Variants in RABGAP1L observed in about 807,000 individuals in gnomAD.
RABGAP1L encodes the protein rab GTPase-activating protein 1-like.
RABGAP1L carries 63 observed loss-of-function variants against 137.7 expected under a neutral mutation model. That is an observed-to-expected ratio of 0.46 (90% CI 0.37 to 0.56). The LOEUF is 0.56. RABGAP1L is among the 20% of genes least tolerant of loss of function. The pLI is 0.00. For missense variants in RABGAP1L, 1,095 were observed against 1,244.0 expected, an observed-to-expected ratio of 0.88 and a Z score of 1.80; for synonymous variants, 431 against 433.7, an observed-to-expected ratio of 0.99 and a Z score of 0.08.
At chr1:174,808,696 C>G (rs559062363) in intron 18 of RABGAP1L, among the ~76,000 whole-genome samples, 31 of 151,544 alleles carry the variant, frequency 2.0e-4, no homozygotes, top group African/African-American at 6.5e-4. Flanking sequence ...TCTTGTTGCC[C>G]AGGCTGGAGT....
rs543210480 is a variant in RABGAP1L at position 174,515,202 on chromosome 1, C to A, written c.1710+121057C>A. ...AATTTTGTATCCTATGAAGTAGTTACTATAATTACAGATAATCAGGAAAAT... is the reference window on the plus strand; with the variant it reads ...AATTTTGTATCCTATGAAGTAGTTAATATAATTACAGATAATCAGGAAAAT... On this transcript the variant is annotated intron_variant, in intron 13 of 25. Transcript: ENST00000681986. 1.8e-4 allele frequency among the ~76,000 whole-genome samples: 27 copies of A among 152,184 alleles called. No homozygotes were observed. In the South Asian group the frequency reaches 5.4e-3, roughly 30 times the overall value.
intron 19 of RABGAP1L, among the ~76,000 whole-genome samples, chr1:174,882,159 G>A (rs1654343185): frequency 6.6e-6 from 1 of 152,160 alleles, no homozygotes; most frequent in African/African-American, 2.4e-5. Context: ...ACTGCACTGT[G>A]AAGCAAATTA....
At chr1:174,957,804 A>G in intron 20 of RABGAP1L, 1 of 1,169,802 alleles carries the variant, frequency 8.5e-7, no homozygotes, top group Non-Finnish European at 1.2e-6. Context: ...ATTGATTTAG[A>G]TGCTCTCTGA....
At chr1:174,456,485 G>A (rs988647819) in intron 13 of RABGAP1L, among the ~76,000 whole-genome samples, 5 of 151,798 alleles carry the variant, frequency 3.3e-5, no homozygotes, top group Non-Finnish European at 5.9e-5. Flanking sequence ...AGTCATCATC[G>A]GTTGGATTTT....
In RABGAP1L at chr1:174,622,573, A is replaced by T. The variant is rs146817752; in HGVS notation, c.1711-14802A>T. On this transcript the variant is annotated intron_variant, in intron 13 of 25. Coordinates refer to ENST00000681986, the MANE Select transcript of RABGAP1L (RefSeq NM_001366446.1). ...TTTGTAGGGACATGGATGAAGTTGG[A>T]AACCATCATTCTCAGCAAACTGTCA... Among the ~76,000 whole-genome samples the T allele has an allele frequency of 1.5e-4, 23 of 152,316 alleles. No homozygotes were observed. The East Asian group carries it at 4.0e-3, about 27-fold the overall frequency.
At chr1:174,712,803 C>T (rs867238555) in intron 17 of RABGAP1L, among the ~76,000 whole-genome samples, 2 of 152,214 alleles carry the variant, frequency 1.3e-5, no homozygotes, top group Admixed American at 6.5e-5. Context: ...CCAACCTCCC[C>T]AGCCAAACTT....
At chr1:174,517,303 G>C (rs1429817847) in intron 13 of RABGAP1L, among the ~76,000 whole-genome samples, 7 of 151,992 alleles carry the variant, frequency 4.6e-5, no homozygotes, top group African/African-American at 1.7e-4. Flanking sequence ...AAAAGGATTT[G>C]GTTAAATCAT....
At chr1:174,221,459 A>G (rs1669751749) in intron 3 of RABGAP1L, among the ~76,000 whole-genome samples, 1 of 152,216 alleles carries the variant, frequency 6.6e-6, no homozygotes, top group South Asian at 2.1e-4. Context: ...GTGTCACAGA[A>G]TAGTGTAATG....
chr1:174,475,949 A>G lies in RABGAP1L; in HGVS notation c.1710+81804A>G, dbSNP rs559552128. On this transcript the variant is annotated intron_variant, in intron 13 of 25. Coordinates refer to ENST00000681986, the MANE Select transcript of RABGAP1L (RefSeq NM_001366446.1). ...TAACATTATACCAGTATATAACATT[A>G]TAACTTATTATTTAGAAAGATTGTA... 7.3e-4 allele frequency among the ~76,000 whole-genome samples: 111 copies of G among 152,110 alleles called. No individual in the cohort carries two copies. In the South Asian group the frequency reaches 7.7e-3, roughly 11 times the overall value.
At chr1:174,430,133 C>T (rs1652448331) in intron 13 of RABGAP1L, among the ~76,000 whole-genome samples, 1 of 152,086 alleles carries the variant, frequency 6.6e-6, no homozygotes, top group African/African-American at 2.4e-5. Context: ...CCTTGTTATT[C>T]CAGCACTTTG....
rs1419379766 is a variant in RABGAP1L at position 174,167,389 on chromosome 1, A to T, written c.-34+7732A>T. 3.3e-5 allele frequency among the ~76,000 whole-genome samples: 5 copies of T among 152,220 alleles called. No homozygotes were observed. The South Asian group carries it at 1.0e-3, about 31-fold the overall frequency. ...GCATACACATAGTGTGCATATATGT[A>T]TGTGTAGACATACATACATATATAT... On this transcript the variant is annotated intron_variant, in intron 1 of 25. Coordinates refer to ENST00000681986, the MANE Select transcript of RABGAP1L (RefSeq NM_001366446.1).
chr1:174,457,894 A>C (rs937645680), intron 13 of RABGAP1L, among the ~76,000 whole-genome samples: 1 of 152,168 alleles, frequency 6.6e-6, no homozygotes, highest in African/African-American at 2.4e-5. Flanking sequence ...GGTTATTATG[A>C]CAGGCAGGTT....
chr1:174,689,418 C>A (rs3862941), intron 15 of RABGAP1L, among the ~76,000 whole-genome samples: 31,920 of 151,818 alleles, frequency 0.21, 3,678 homozygotes, highest in Admixed American at 0.25. Context: ...ACAGAATTGA[C>A]TCATATAACT....
At chr1:174,249,043 A>G (rs1376812050) in intron 5 of RABGAP1L, among the ~76,000 whole-genome samples, 1 of 152,238 alleles carries the variant, frequency 6.6e-6, no homozygotes, top group Non-Finnish European at 1.5e-5. Flanking sequence ...AAGAAGTAGA[A>G]TAACTTCTGG....
intron 13 of RABGAP1L, among the ~76,000 whole-genome samples, chr1:174,503,650 G>A (rs1396558660): frequency 7.2e-5 from 6 of 82,996 alleles, no homozygotes; most frequent in Admixed American, 2.9e-4. Context: ...AACAGAGCGA[G>A]ACTCCGTCAA....
intron 12 of RABGAP1L, among the ~76,000 whole-genome samples, chr1:174,377,355 T>C (rs945287654): frequency 6.6e-6 from 1 of 152,182 alleles, no homozygotes; most frequent in East Asian, 1.9e-4. Context: ...CAAGCTGATT[T>C]TAAAATTTAT....
At chr1:174,611,897 C>G (rs1269840585) in intron 13 of RABGAP1L, among the ~76,000 whole-genome samples, 1 of 152,140 alleles carries the variant, frequency 6.6e-6, no homozygotes, top group Non-Finnish European at 1.5e-5. Context: ...GATTTTTGCA[C>G]ATTGATTTTG....
chr1:174,434,102 TACACATACACAC>T (rs1192849079), intron 13 of RABGAP1L, among the ~76,000 whole-genome samples: 7 of 102,770 alleles, frequency 6.8e-5, no homozygotes, highest in Admixed American at 1.9e-4. Flanking sequence ...CGCATGCGTG[TACACATACACAC>T]ACACACACAC....
At chr1:174,862,719 C>A (rs1021158457) in intron 19 of RABGAP1L, among the ~76,000 whole-genome samples, 9 of 151,654 alleles carry the variant, frequency 5.9e-5, no homozygotes, top group South Asian at 2.1e-4. Flanking sequence ...GCACTTTAGC[C>A]CTACGGAAGA....
Sources: allele counts gnomAD v4.1 joint callset (sites outside exome capture counted in the v4.1 genomes callset), GRCh38; gene constraint gnomAD v4.1.1; transcripts MANE v1.5; gene names NCBI Gene and HGNC (gene_info 2026-07-23, HGNC 2026-07-21).